The following PPP1R9A variants were observed in gnomAD, a reference collection of about 807,000 sequenced individuals.
The protein encoded by PPP1R9A is neurabin-1.
PPP1R9A carries 59 observed loss-of-function variants against 141.9 expected under a neutral mutation model. The observed-to-expected ratio is 0.42, with a 90% confidence interval of 0.34 to 0.52. The LOEUF (loss-of-function observed/expected upper bound fraction) is 0.52, where lower values mean the gene tolerates loss of function less well. Ranked by LOEUF, PPP1R9A falls within the 20% of genes least tolerant of loss-of-function variation. The pLI is 0.10. For synonymous variants in PPP1R9A, 500 were observed against 569.7 expected (o/e 0.88, Z 1.74); for missense variants, 1,444 against 1,611.9 (o/e 0.90, Z 1.78).
At chr7:95,099,249 A>C (rs1818438064) in intron 2 of PPP1R9A, among the ~76,000 whole-genome samples, 1 of 152,190 alleles carries the variant, frequency 6.6e-6, no homozygotes, top group Non-Finnish European at 1.5e-5. Context: ...TTCATCTAGG[A>C]GACTGTCCAC....
chr7:95,159,580 G>A (rs1830137857), intron 4 of PPP1R9A, among the ~76,000 whole-genome samples: 1 of 151,988 alleles, frequency 6.6e-6, no homozygotes, highest in Non-Finnish European at 1.5e-5. Flanking sequence ...TAAAACTAGA[G>A]ACAAATAATA....
chr7:95,106,931 G>A (rs4484617), intron 2 of PPP1R9A, among the ~76,000 whole-genome samples: 49,891 of 151,588 alleles, frequency 0.33, 9,631 homozygotes, highest in Non-Finnish European at 0.44. Context: ...CGAGGTGCAC[G>A]CCACCACGCC....
In PPP1R9A at chr7:95,025,301, G is replaced by A. The variant is rs527887279; in HGVS notation, c.1396-85958G>A. On this transcript the variant is annotated intron_variant, in intron 2 of 19. Coordinates refer to ENST00000433360, the MANE Select transcript of PPP1R9A (RefSeq NM_001166160.2). Reference sequence around the variant, plus strand: ...AGGCTGTTCTTGAACTCCTGACCTCGTGATCCACCCTCCTCAGCCTCCCAA... The same window carrying A: ...AGGCTGTTCTTGAACTCCTGACCTCATGATCCACCCTCCTCAGCCTCCCAA... Among the ~76,000 whole-genome samples, 65 of 152,058 alleles carry A rather than the reference G, an allele frequency of 4.3e-4. No individual in the cohort carries two copies. The South Asian group carries it at 7.3e-3, about 17-fold the overall frequency.
intron 2 of PPP1R9A, among the ~76,000 whole-genome samples, chr7:95,020,763 A>T (rs965098941): frequency 6.6e-6 from 1 of 152,186 alleles, no homozygotes; most frequent in South Asian, 2.1e-4. Flanking sequence ...AGCTTCATCC[A>T]TGTCCCTACA....
chr7:95,275,269 G>A (rs1031313539), intron 16 of PPP1R9A, among the ~76,000 whole-genome samples: 11 of 151,918 alleles, frequency 7.2e-5, no homozygotes, highest in Non-Finnish European at 1.0e-4. Flanking sequence ...TTAGCCAGGC[G>A]TGGTGGCGCA....
At chr7:95,019,826 G>A (rs939403820) in intron 2 of PPP1R9A, among the ~76,000 whole-genome samples, 19 of 151,856 alleles carry the variant, frequency 1.3e-4, no homozygotes, top group Non-Finnish European at 2.6e-4. Context: ...ATCCCCCCTC[G>A]CCCAAACCAG....
chr7:94,908,746 A>C (rs1234372676), intron 1 of PPP1R9A, among the ~76,000 whole-genome samples: 1 of 152,102 alleles, frequency 6.6e-6, no homozygotes, highest in Non-Finnish European at 1.5e-5. Flanking sequence ...TGTGGCTTTA[A>C]AAAGAATGGT....
intron 4 of PPP1R9A, among the ~76,000 whole-genome samples, chr7:95,159,113 A>T (rs1277152408): frequency 6.6e-6 from 1 of 152,212 alleles, no homozygotes; most frequent in Non-Finnish European, 1.5e-5. Context: ...ATATTTTATT[A>T]TACCTAAATT....
chr7:95,010,420 A>C (rs1042409219), intron 2 of PPP1R9A, among the ~76,000 whole-genome samples: 1 of 146,924 alleles, frequency 6.8e-6, no homozygotes. Context: ...AGATGGCAAG[A>C]AAAAAAAAAT....
chr7:95,276,399 A>G (rs1803191941), intron 16 of PPP1R9A, among the ~76,000 whole-genome samples: 1 of 152,214 alleles, frequency 6.6e-6, no homozygotes, highest in African/African-American at 2.4e-5. Context: ...TGTCAAGGGC[A>G]GGTGGCCATC....
chr7:95,158,053 C>T (rs1563329623), intron 4 of PPP1R9A, among the ~76,000 whole-genome samples: 1 of 152,074 alleles, frequency 6.6e-6, no homozygotes, highest in Non-Finnish European at 1.5e-5. Flanking sequence ...GAGAATTGCC[C>T]TATGAAATGC....
intron 4 of PPP1R9A, among the ~76,000 whole-genome samples, chr7:95,137,882 A>G (rs189745911): frequency 1.2e-3 from 184 of 152,172 alleles, no homozygotes; most frequent in Non-Finnish European, 2.3e-3. Flanking sequence ...AATGTAATAG[A>G]AAAAAAGTCA....
At chr7:95,177,260 G>C (rs905031604) in intron 5 of PPP1R9A, among the ~76,000 whole-genome samples, 2 of 152,054 alleles carry the variant, frequency 1.3e-5, no homozygotes, top group Admixed American at 6.6e-5. Flanking sequence ...TTTGTATCTA[G>C]TGAAACTAAG....
chr7:95,081,125 A>C (rs1036626984), intron 2 of PPP1R9A, among the ~76,000 whole-genome samples: 4 of 152,194 alleles, frequency 2.6e-5, no homozygotes, highest in Admixed American at 2.0e-4. Flanking sequence ...GAATGGATCA[A>C]ACTTTCTGCA....
Position 94,910,573 on chromosome 7 carries a change from G to A in PPP1R9A, c.460G>A (p.Gly154Arg), listed in dbSNP as rs1360347930. The change falls in exon 2 of 20, where the codon GGA (glycine) becomes AGA (arginine). Residue 154 changes from glycine (G) to arginine (R), a missense_variant. Gly to Arg is a moderately radical substitution (Grantham distance 125). This residue lies in a region of PPP1R9A where 490 missense variants were observed against 521.1 expected (regional missense o/e 0.94). Coordinates refer to ENST00000433360, the MANE Select transcript of PPP1R9A (RefSeq NM_001166160.2). This position sits in a 1 kb window ranked among gnomAD's most constrained non-coding sequence, Gnocchi z 4.5. ...GTTTGAGAGAAGTGTGCATGAATCA[G>A]GACAGAACAACCGCTATTCCCCAAA... ...KMFERSVHESGQNNRYSPKKE... is the reference protein window; with the variant it reads ...KMFERSVHESRQNNRYSPKKE... 1.2e-6 allele frequency: 2 copies of A among 1,614,156 alleles called. No homozygotes were observed. The highest frequency in any genetic ancestry group is 3.3e-5 in the Admixed American group (2 of 60,028).
At chr7:94,986,686 C>T (rs1352354972) in intron 2 of PPP1R9A, among the ~76,000 whole-genome samples, 1 of 152,142 alleles carries the variant, frequency 6.6e-6, no homozygotes, top group Non-Finnish European at 1.5e-5. Context: ...AATCATTATA[C>T]ACTGGATACA....
At chr7:95,191,047 G>GTC (rs1835425100) in intron 5 of PPP1R9A, among the ~76,000 whole-genome samples, 1 of 152,052 alleles carries the variant, frequency 6.6e-6, no homozygotes, top group East Asian at 1.9e-4. Flanking sequence ...ATAACCTCTC[G>GTC]TCATTTACAT....
intron 4 of PPP1R9A, among the ~76,000 whole-genome samples, chr7:95,130,836 G>C (rs1240023829): frequency 6.6e-6 from 1 of 152,174 alleles, no homozygotes; most frequent in Non-Finnish European, 1.5e-5. Flanking sequence ...TAGCCTCTTT[G>C]TTTTGGCCAG....
chr7:95,251,119 GTAAT>G (rs1270123031), intron 10 of PPP1R9A, among the ~76,000 whole-genome samples: 1 of 152,142 alleles, frequency 6.6e-6, no homozygotes, highest in Non-Finnish European at 1.5e-5. Context: ...TAAAAGGGGA[GTAAT>G]TATTCTCTGT....
Sources: allele counts gnomAD v4.1 joint callset (sites outside exome capture counted in the v4.1 genomes callset), GRCh38; gene constraint gnomAD v4.1.1; regional missense constraint gnomAD v4.1.1; non-coding constraint Gnocchi (gnomAD v3.1); transcripts MANE v1.5; gene names NCBI Gene and HGNC (gene_info 2026-07-23, HGNC 2026-07-21).